Variants in FOXN3 observed in about 807,000 individuals in gnomAD.
The protein encoded by FOXN3 is forkhead box N3, also known as forkhead box protein N3.
In FOXN3, 7 loss-of-function variants were observed where a neutral mutation model predicts 38.4. That is an observed-to-expected ratio of 0.18 (90% CI 0.10 to 0.34). The LOEUF (loss-of-function observed/expected upper bound fraction) is 0.34. Ranked by LOEUF, FOXN3 falls within the 10% of genes least tolerant of loss-of-function variation. The probability of loss-of-function intolerance (pLI) is 1.00; values close to 1 mark genes in which losing one functional copy is unlikely to be tolerated. For missense variants in FOXN3, 456 were observed against 613.4 expected, an observed-to-expected ratio of 0.74 and a Z score of 2.71; for synonymous variants, 230 against 242.2, an observed-to-expected ratio of 0.95 and a Z score of 0.47.
chr14:89,545,258 G>A (rs1393455975), intron 1 of FOXN3, among the ~76,000 whole-genome samples: 2 of 152,200 alleles, frequency 1.3e-5, no homozygotes, highest in Non-Finnish European at 2.9e-5. Context: ...TGCACATACT[G>A]GCATGGACAG....
At chr14:89,279,082 G>A (rs2139914770) in intron 4 of FOXN3, among the ~76,000 whole-genome samples, 1 of 151,354 alleles carries the variant, frequency 6.6e-6, no homozygotes, top group East Asian at 1.9e-4. Context: ...TCTAGGGAAT[G>A]AAGAAACATC....
At chr14:89,414,841 G>A (rs989082158) in intron 1 of FOXN3, among the ~76,000 whole-genome samples, 34 of 152,108 alleles carry the variant, frequency 2.2e-4, no homozygotes, top group African/African-American at 8.0e-4. Context: ...GTGAGCCACC[G>A]CGCCTGGCCA....
intron 3 of FOXN3, among the ~76,000 whole-genome samples, chr14:89,294,193 C>G (rs1303974094): frequency 6.6e-6 from 1 of 152,172 alleles, no homozygotes; most frequent in Non-Finnish European, 1.5e-5. Flanking sequence ...GCCTCCCTGT[C>G]TCCAGCCTCT....
At chr14:89,180,097 G>C (rs564307384) in intron 5 of FOXN3, among the ~76,000 whole-genome samples, 2 of 152,362 alleles carry the variant, frequency 1.3e-5, no homozygotes, top group East Asian at 3.9e-4. Context: ...CAGGCTGGCG[G>C]TGGACCCTGA....
chr14:89,358,363 T>C (rs1889320286), intron 2 of FOXN3, among the ~76,000 whole-genome samples: 1 of 152,190 alleles, frequency 6.6e-6, no homozygotes, highest in Non-Finnish European at 1.5e-5. Context: ...GGATTTGGGC[T>C]GGGTCCTGTG....
At chr14:89,207,751 T>C (rs79340952) in intron 4 of FOXN3, among the ~76,000 whole-genome samples, 3,275 of 152,308 alleles carry the variant, frequency 0.022, 46 homozygotes, top group Non-Finnish European at 0.031. Context: ...AGATGTGGAA[T>C]GTACCCTTTG....
chr14:89,558,836 G>A (rs1052689285), intron 1 of FOXN3, among the ~76,000 whole-genome samples: 4 of 152,150 alleles, frequency 2.6e-5, no homozygotes, highest in South Asian at 2.1e-4. Context: ...GCGACAGCAG[G>A]GCCAGGTGGG....
At chr14:89,269,493 T>TG (rs1886083644) in intron 4 of FOXN3, among the ~76,000 whole-genome samples, 1 of 151,388 alleles carries the variant, frequency 6.6e-6, no homozygotes, top group East Asian at 1.9e-4. Flanking sequence ...TTGTTTTTTT[T>TG]TTTCCTTTTT....
chr14:89,345,326 A>G (rs1888730568), intron 3 of FOXN3, among the ~76,000 whole-genome samples: 2 of 151,828 alleles, frequency 1.3e-5, no homozygotes, highest in Non-Finnish European at 2.9e-5. Context: ...TCTAAAATTG[A>G]TCAATGAGTC....
intron 1 of FOXN3, among the ~76,000 whole-genome samples, chr14:89,562,458 C>T (rs760836198): frequency 5.3e-5 from 8 of 152,098 alleles, no homozygotes; most frequent in Non-Finnish European, 1.2e-4. Context: ...CGGGGTTTCA[C>T]CATGTTGGCC....
intron 4 of FOXN3, among the ~76,000 whole-genome samples, chr14:89,265,730 C>T (rs1344490102): frequency 6.6e-6 from 1 of 152,192 alleles, no homozygotes; most frequent in Non-Finnish European, 1.5e-5. Flanking sequence ...GTGGAAGGTC[C>T]AAGGCCAGAC....
At chr14:89,497,482 C>G (rs565751572) in intron 1 of FOXN3, among the ~76,000 whole-genome samples, 1 of 147,006 alleles carries the variant, frequency 6.8e-6, no homozygotes, top group East Asian at 2.0e-4. Context: ...TCTCGGCTCA[C>G]TACAACCTCT....
Position 89,484,995 on chromosome 14 carries a change from T to C in FOXN3, c.-14-72505A>G, listed in dbSNP as rs1204696978. Among the ~76,000 whole-genome samples the C allele has an allele frequency of 1.3e-5, 2 of 151,706 alleles. No individual in the cohort carries two copies. The highest frequency in any genetic ancestry group is 4.8e-5 in the African/African-American group (2 of 41,260). ...GGTGAAACACCATCTCTACTAAAAATACAAAAATTAGCCGGGCGTGGTGGT... is the reference window on the plus strand; with the variant it reads ...GGTGAAACACCATCTCTACTAAAAACACAAAAATTAGCCGGGCGTGGTGGT... On this transcript the variant is annotated intron_variant, in intron 1 of 6. Coordinates refer to the FOXN3 transcript ENST00000345097. The surrounding 1 kb of genome is among the most constrained non-coding windows in gnomAD (Gnocchi z 4.0).
intron 3 of FOXN3, among the ~76,000 whole-genome samples, chr14:89,288,371 C>T (rs1482264048): frequency 6.6e-6 from 1 of 152,134 alleles, no homozygotes; most frequent in African/African-American, 2.4e-5. Context: ...AGGTATCAGC[C>T]TGCACATAGT....
At chr14:89,562,151 C>T (rs529243595) in intron 1 of FOXN3, among the ~76,000 whole-genome samples, 2 of 152,236 alleles carry the variant, frequency 1.3e-5, no homozygotes, top group Admixed American at 6.5e-5. Flanking sequence ...AATTTGGGTA[C>T]GTGTGTACAC....
intron 3 of FOXN3, among the ~76,000 whole-genome samples, chr14:89,348,810 A>C (rs1888856815): frequency 6.6e-6 from 1 of 152,202 alleles, no homozygotes; most frequent in Non-Finnish European, 1.5e-5. Flanking sequence ...CATTAAGCTA[A>C]GGCCAGCTCA....
chr14:89,553,390 T>C (rs1895049472), intron 1 of FOXN3, among the ~76,000 whole-genome samples: 1 of 150,400 alleles, frequency 6.6e-6, no homozygotes, highest in Middle Eastern at 3.5e-3. Flanking sequence ...GTAGTGCTTG[T>C]GGGTTAATTG....
chr14:89,275,926 G>A (rs1363050096), intron 4 of FOXN3, among the ~76,000 whole-genome samples: 1 of 152,188 alleles, frequency 6.6e-6, no homozygotes, highest in Admixed American at 6.5e-5. Context: ...TCCTCTGTGA[G>A]CTGAAAATGC....
intron 4 of FOXN3, among the ~76,000 whole-genome samples, chr14:89,257,874 G>A (rs1885673812): frequency 6.6e-6 from 1 of 152,190 alleles, no homozygotes; most frequent in African/African-American, 2.4e-5. Context: ...AATGCAAAGC[G>A]AGTGGCATGG....
Sources: allele counts gnomAD v4.1 joint callset (sites outside exome capture counted in the v4.1 genomes callset), GRCh38; gene constraint gnomAD v4.1.1; non-coding constraint Gnocchi (gnomAD v3.1); transcripts MANE v1.5; gene names NCBI Gene and HGNC (gene_info 2026-07-23, HGNC 2026-07-21).